SREBF1: variants seen among roughly 807,000 people sequenced by gnomAD.
The protein encoded by SREBF1 is sterol regulatory element-binding protein 1.
A neutral mutation model predicts 100.1 loss-of-function variants in SREBF1; 45 were observed. The ratio of observed to expected loss-of-function variants is 0.45; its 90% CI spans 0.35 to 0.58. The LOEUF (loss-of-function observed/expected upper bound fraction) is 0.58. Among genes scored for constraint, SREBF1 ranks in the 20% least tolerant of loss-of-function variants. The pLI, the probability that SREBF1 is intolerant of heterozygous loss-of-function variation, is 0.00. For missense variants in SREBF1, 1,324 were observed against 1,539.4 expected (o/e 0.86, Z 2.34); for synonymous variants, 657 against 681.8 (o/e 0.96, Z 0.57).
chr17:17,818,521 G>T (rs535478552), intron 5 of SREBF1, 147 bp from the exon 6 acceptor site: 4 of 675,026 alleles, frequency 5.9e-6, no homozygotes, highest in Non-Finnish European at 1.1e-5. Context: ...TACCTGAACC[G>T]TTCCTCGCCT....
In SREBF1 at chr17:17,814,816, ACAGGGG is replaced by A; in HGVS notation, c.2602+13_2602+18del. The A allele has an allele frequency of 6.2e-7, 1 of 1,604,548 alleles. No homozygotes were observed. Among genetic ancestry groups the A allele is most frequent in the Non-Finnish European group, 8.5e-7 (1 of 1,176,072 alleles). On this transcript the variant is annotated intron_variant, in intron 14 of 18. Coordinates refer to ENST00000261646, the MANE Select transcript of SREBF1 (RefSeq NM_004176.5). ...CGGGGGAGCTGAGAAGGGAGCCAGGACAGGGGCCGGGGACTCACCGGTGGTGGTGGC... is the reference window on the plus strand; with the variant it reads ...CGGGGGAGCTGAGAAGGGAGCCAGGACCGGGGACTCACCGGTGGTGGTGGC...
At chr17:17,816,082 C>T (rs1598115359) in intron 11 of SREBF1, 54 bp from the exon 12 acceptor site, 18 of 1,584,732 alleles carry the variant, frequency 1.1e-5, no homozygotes, top group South Asian at 4.5e-5. Flanking sequence ...GGCCAGACCC[C>T]GGGCCGAGTC....
Position 17,812,523 on chromosome 17 carries a change from C to G in SREBF1, c.*99G>C, listed in dbSNP as rs2032992596. 7.8e-7 allele frequency: 1 copy of G among 1,280,464 alleles called. No homozygotes were observed. Among genetic ancestry groups the G allele is most frequent in the South Asian group, 1.3e-5 (1 of 76,494 alleles). The allele number at this position is 1,280,464 out of a possible 1,614,324, so 79.3% of individuals were successfully genotyped here. ...GGTCGAACTGTGGAGGCCAGAGTCT[C>G]TTGCACTGCCTTCGGCCTTCAAAGC... is the stretch of plus-strand genomic sequence containing the variant. On this transcript the variant is annotated 3_prime_UTR_variant, in exon 19 of 19. Transcript: ENST00000261646.
chr17:17,812,796 C>T lies in SREBF1; in HGVS notation c.3270G>A (p.Leu1090=). 2 of 1,522,676 alleles carry T rather than the reference C, an allele frequency of 1.3e-6. No individual in the cohort carries two copies. The highest frequency in any genetic ancestry group is 1.4e-5 in the African/African-American group (1 of 72,542). The allele number at this position is 1,522,676 out of a possible 1,614,324, so 94.3% of individuals were successfully genotyped here. Residue 1090 remains leucine (L), a synonymous_variant, in exon 19 of 19, where the codon TTG becomes TTA. Transcript: ENST00000261646. ...RPTRREHAEA[L]LLASCYLPPG... is the part of the protein sequence containing the mutation. The stretch of plus-strand genomic sequence containing the variant: ...GGGGCAGGTAGCAGGAGGCCAGCAG[C>T]AAGGCCTCCGCGTGCTCCCGCCGCG...
At chr17:17,825,603 C>CT (rs60178339) in intron 1 of SREBF1, among the ~76,000 whole-genome samples, 1,210 of 92,512 alleles carry the variant, frequency 0.013, 26 homozygotes, top group Admixed American at 0.053. Flanking sequence ...TGGCCAATTT[C>CT]TTTTTTTTTT....
chr17:17,824,046 T>G lies in SREBF1; in HGVS notation c.92-3525A>C, dbSNP rs1464432986. On this transcript the variant is annotated intron_variant, in intron 1 of 18. Coordinates refer to ENST00000261646, the MANE Select transcript of SREBF1 (RefSeq NM_004176.5). This position sits in a 1 kb window ranked among gnomAD's most constrained non-coding sequence, Gnocchi z 4.2. ...CGAAATCACTGGTTCGCTGGCACCCTGAGCGAGCCTTAACCGCTCCAACCC... is the reference window on the plus strand; with the variant it reads ...CGAAATCACTGGTTCGCTGGCACCCGGAGCGAGCCTTAACCGCTCCAACCC... Among the ~76,000 whole-genome samples the G allele has an allele frequency of 6.6e-6, 1 of 152,202 alleles. No individual in the cohort carries two copies. The highest frequency in any genetic ancestry group is 2.4e-5 in the African/African-American group (1 of 41,450).
intron 18 of SREBF1, 65 bp from the exon 19 acceptor site, chr17:17,812,916 CCA>C (rs565369487): frequency 2.1e-6 from 3 of 1,398,692 alleles, no homozygotes; most frequent in East Asian, 2.6e-5. Flanking sequence ...GGAGCCCTGC[CCA>C]CACACAAGCC....
rs757953927 is a variant in SREBF1 at position 17,817,488 on chromosome 17, G to A, written c.1405-31C>T. The A allele has an allele frequency of 1.6e-5, 25 of 1,559,242 alleles. No homozygotes were observed. The South Asian group carries it at 1.8e-4, about 11-fold the overall frequency. On this transcript the variant is annotated intron_variant, in intron 7 of 18. Coordinates refer to ENST00000261646, the MANE Select transcript of SREBF1 (RefSeq NM_004176.5). This position sits in a 1 kb window ranked among gnomAD's most constrained non-coding sequence, Gnocchi z 6.6. ...GGGGTTGGGCAGGGTGGTGAGGGCAGAATCGGAGGGACCCCAGAGAGCATG... is the reference window on the plus strand; with the variant it reads ...GGGGTTGGGCAGGGTGGTGAGGGCAAAATCGGAGGGACCCCAGAGAGCATG...
Position 17,819,657 on chromosome 17 carries a change from G to A in SREBF1, c.592C>T (p.Pro198Ser). The change falls in exon 3 of 19, where the codon CCC becomes TCC. Residue 198 changes from proline (P) to serine (S), a missense_variant. Transcript: ENST00000261646. ...LPLASPPGVP[P>S]VSLHTQVQSV... The stretch of plus-strand genomic sequence containing the variant: ...TGGACCTGGGTGTGCAAGGAGACGG[G>A]CGGGACCCCTGGCGGGGAAGCCAGT... The A allele has an allele frequency of 6.2e-7, 1 of 1,612,556 alleles. No individual in the cohort carries two copies. The highest frequency in any genetic ancestry group is 1.1e-5 in the South Asian group (1 of 91,012).
In SREBF1 at chr17:17,817,717, G is replaced by A. The variant is rs1043256295; in HGVS notation, c.1383C>T (p.Ser461=). The A allele has an allele frequency of 1.5e-5, 24 of 1,613,268 alleles. No individual in the cohort carries two copies. Among genetic ancestry groups the A allele is most frequent in the South Asian group, 1.1e-5 (1 of 91,080 alleles). Residue 461 remains serine, a synonymous_variant, in exon 7 of 19, where the codon AGC becomes AGT. Transcript: ENST00000261646. This position sits in a 1 kb window ranked among gnomAD's most constrained non-coding sequence, Gnocchi z 6.6. The part of the protein sequence containing the change: ...GGSGSDSEPD[S]PVFEDSKAKP... ...CAACCTTGCTGTCCTCAAAGACTGG[G>A]CTGTCAGGCTCCGAGTCACTGCCAC...
intron 1 of SREBF1, among the ~76,000 whole-genome samples, chr17:17,836,089 T>G (rs1183692315): frequency 6.6e-6 from 1 of 152,242 alleles, no homozygotes; most frequent in African/African-American, 2.4e-5. Flanking sequence ...CCCGTTTGGT[T>G]TCCCGGGAGA....
Position 17,814,713 on chromosome 17 carries a change from CAG to C in SREBF1, c.2635_2636del (p.Leu879AspfsTer12). Reference protein sequence around the residue: ...VDPVAKWWASLTAVVIHWLRR... With the variant: ...VDPVAKWWASXTAVVIHWLRR... ...GCAGCCAGTGGATCACCACAGCTGT[CAG>C]AGAGGCCCACCACTTGGCCACCGGG... On this transcript the variant is annotated frameshift_variant, in exon 15 of 19. Transcript: ENST00000261646. LOFTEE classifies it high-confidence loss of function. 1.2e-6 allele frequency: 2 copies of C among 1,607,932 alleles called. No homozygotes were observed. Among genetic ancestry groups the C allele is most frequent in the Non-Finnish European group, 1.7e-6 (2 of 1,178,538 alleles).
In SREBF1 at chr17:17,818,385, T is replaced by C. The variant is rs778880151; in HGVS notation, c.1069-11A>G. ...AGCAGATTTATTCAGCTGCACGGTG[T>C]GGGAGGGAGGGGGAGCGCACAGGTG... On this transcript the variant is annotated splice_polypyrimidine_tract_variant and intron_variant, in intron 5 of 18. Coordinates refer to ENST00000261646, the MANE Select transcript of SREBF1 (RefSeq NM_004176.5). 9 of 1,606,794 alleles carry C rather than the reference T, an allele frequency of 5.6e-6. No individual in the cohort carries two copies. Among genetic ancestry groups the C allele is most frequent in the Non-Finnish European group, 7.7e-6 (9 of 1,175,874 alleles).
intron 1 of SREBF1, among the ~76,000 whole-genome samples, chr17:17,825,332 G>A (rs886962213): frequency 2.6e-5 from 4 of 152,130 alleles, no homozygotes; most frequent in East Asian, 1.9e-4. Context: ...CTGAGGAAGC[G>A]CGATGGGAGA....
intron 13 of SREBF1, 74 bp from the exon 14 acceptor site, chr17:17,815,018 G>T: frequency 7.1e-7 from 1 of 1,411,138 alleles, no homozygotes; most frequent in Non-Finnish European, 9.8e-7. Flanking sequence ...CTGCCCTCCA[G>T]AGTACAGCCT....
chr17:17,818,472 G>T, intron 5 of SREBF1, 98 bp from the exon 6 acceptor site: 1 of 823,988 alleles, frequency 1.2e-6, no homozygotes, highest in Non-Finnish European at 2.1e-6. Context: ...GAGCTGCTTT[G>T]CAACATTACT....
intron 13 of SREBF1, 136 bp from the exon 14 acceptor site, chr17:17,815,080 G>T: frequency 8.2e-7 from 1 of 1,216,462 alleles, no homozygotes. Flanking sequence ...CTGGTGGGGA[G>T]AGGAAACTCA....
chr17:17,819,155 G>A lies in SREBF1; in HGVS notation c.926C>T (p.Ala309Val). ...AGAGGCCGGGGCCTTGCTGCCAGCT[G>A]CGAGCCGGTTGATAGGCAGCTTCTC... ...DAEKLPINRL[A>V]AGSKAPASAQ... The change falls in exon 5 of 19, where the codon GCA becomes GTA. Residue 309 changes from alanine to valine, a missense_variant. Coordinates refer to ENST00000261646, the MANE Select transcript of SREBF1 (RefSeq NM_004176.5). 6.2e-7 allele frequency: 1 copy of A among 1,614,170 alleles called. No individual in the cohort carries two copies. The highest frequency in any genetic ancestry group is 8.5e-7 in the Non-Finnish European group (1 of 1,180,060).
intron 6 of SREBF1, 115 bp from the exon 7 acceptor site, chr17:17,818,031 G>T: frequency 2.6e-6 from 3 of 1,165,484 alleles, no homozygotes; most frequent in Non-Finnish European, 3.8e-6. Flanking sequence ...AGCCCAGGAC[G>T]CTTTGATGGG....
Sources: allele counts gnomAD v4.1 joint callset (sites outside exome capture counted in the v4.1 genomes callset), GRCh38; gene constraint gnomAD v4.1.1; non-coding constraint Gnocchi (gnomAD v3.1); transcripts MANE v1.5; gene names NCBI Gene and HGNC (gene_info 2026-07-23, HGNC 2026-07-21).